Variants in ILRUN observed in about 807,000 individuals in gnomAD.
The protein encoded by ILRUN is inflammation and lipid regulator with UBA-like and NBR1-like domains, also known as protein ILRUN.
A neutral mutation model predicts 33.8 loss-of-function variants in ILRUN; 3 were observed. The observed-to-expected ratio is 0.09, with a 90% CI of 0.04 to 0.23. The LOEUF (loss-of-function observed/expected upper bound fraction) is 0.23. Ranked by LOEUF, ILRUN falls within the 10% of genes least tolerant of loss-of-function variation. The probability of loss-of-function intolerance (pLI) is 1.00; values close to 1 mark genes in which losing one functional copy is unlikely to be tolerated. For synonymous variants in ILRUN, 124 were observed against 138.9 expected (o/e 0.89, Z 0.75); for missense variants, 210 against 375.1 (o/e 0.56, Z 3.64).
intron 3 of ILRUN, among the ~76,000 whole-genome samples, chr6:34,610,323 C>T (rs1297984376): frequency 6.6e-6 from 1 of 152,158 alleles, no homozygotes; most frequent in East Asian, 1.9e-4. Flanking sequence ...GTCAGAGGAC[C>T]TGTGTTCAAA....
intron 4 of ILRUN, among the ~76,000 whole-genome samples, chr6:34,595,036 G>C (rs1422949911): frequency 6.6e-6 from 1 of 152,168 alleles, no homozygotes; most frequent in South Asian, 2.1e-4. Context: ...AATATTGTTA[G>C]AGAACATTTA....
At chr6:34,640,200 G>A (rs1161564309) in intron 3 of ILRUN, among the ~76,000 whole-genome samples, 1 of 152,136 alleles carries the variant, frequency 6.6e-6, no homozygotes, top group Non-Finnish European at 1.5e-5. Flanking sequence ...CGGATCTTTA[G>A]TGGGAGGAGG....
intron 3 of ILRUN, among the ~76,000 whole-genome samples, chr6:34,614,432 A>AATT (rs200350798): frequency 3.6e-5 from 4 of 110,038 alleles, no homozygotes; most frequent in Admixed American, 2.6e-4. Context: ...AAAAAATAAT[A>AATT]AAAAAAAAAA....
At position 34,606,853 on chromosome 6, in the gene ILRUN, G is replaced by A. The variant is rs1394482440; in HGVS notation, c.563C>T (p.Thr188Met). The part of the protein sequence containing the change: ...SVEVGGLLGV[T>M]QQLSSFETEF... The stretch of plus-strand genomic sequence containing the variant: ...CGTTTCAAAAGATGACAGCTGCTGC[G>A]TTACTCCTAAAAGTCCACCCACCTC... Residue 188 changes from threonine (T) to methionine (M), a missense_variant, in exon 4 of 5, where the codon ACG becomes ATG. Thr to Met is a moderately conservative substitution (Grantham distance 81, BLOSUM62 -1). This residue lies in a region of ILRUN where 60 missense variants were observed against 138.1 expected (regional missense o/e 0.43). Transcript: ENST00000374023. The A allele has an allele frequency of 5.0e-6, 8 of 1,613,816 alleles. No homozygotes were observed. The highest frequency in any genetic ancestry group is 1.6e-4 in the Middle Eastern group (1 of 6,084).
At chr6:34,636,287 CCAGTAGGCT>C (rs1379556502) in intron 3 of ILRUN, among the ~76,000 whole-genome samples, 1 of 151,866 alleles carries the variant, frequency 6.6e-6, no homozygotes, top group Non-Finnish European at 1.5e-5. Flanking sequence ...AATCCAGAGG[CCAGTAGGCT>C]CACAACATTC....
In ILRUN at chr6:34,628,628, G is replaced by A. The variant is rs73411933; in HGVS notation, c.511+17973C>T. On this transcript the variant is annotated intron_variant, in intron 3 of 4. Transcript: ENST00000374023. ...ATTACAGGTGTGAGCCACCACGCCC[G>A]GCCCACCTTTTTACACATTTTTGAA... Among the ~76,000 whole-genome samples the A allele has an allele frequency of 6.8e-3, 1,031 of 151,690 alleles. 12 individuals carry two copies. The highest frequency in any genetic ancestry group is 0.021 in the African/African-American group (853 of 41,434).
chr6:34,633,352 C>G (rs966953403), intron 3 of ILRUN, among the ~76,000 whole-genome samples: 14 of 152,236 alleles, frequency 9.2e-5, no homozygotes, highest in African/African-American at 3.1e-4. Flanking sequence ...TTCAACACTC[C>G]CTTCTCAGTA....
At chr6:34,659,108 TTATACTC>T (rs1298935629) in intron 1 of ILRUN, among the ~76,000 whole-genome samples, 2 of 152,228 alleles carry the variant, frequency 1.3e-5, no homozygotes, top group Non-Finnish European at 2.9e-5. Context: ...CCTTCAGTGT[TTATACTC>T]TATAGCTAAC....
chr6:34,601,706 CCCCCCCAACTACTGTTTCT>C (rs1424087889), intron 4 of ILRUN, among the ~76,000 whole-genome samples: 2 of 143,694 alleles, frequency 1.4e-5, no homozygotes, highest in Non-Finnish European at 3.0e-5. Context: ...CCAGTACCCG[CCCCCCCAACTACTGTTTCT>C]AAACCCTCAC....
intron 1 of ILRUN, among the ~76,000 whole-genome samples, chr6:34,682,494 G>A (rs760511343): frequency 2.6e-5 from 4 of 151,230 alleles, no homozygotes; most frequent in Non-Finnish European, 4.4e-5. Context: ...TCCTGACCTC[G>A]TGATCTGCCC....
rs918030906 is a variant in ILRUN, at chr6:34,690,035, C to G, written c.158+6411G>C. Among the ~76,000 whole-genome samples, 11 of 152,094 alleles carry G rather than the reference C, an allele frequency of 7.2e-5. 1 individual carries two copies. Among genetic ancestry groups the G allele is most frequent in the Non-Finnish European group, 2.9e-5 (2 of 68,004 alleles). ...AAAAGATATTTTATCTACTGCTATA[C>G]TGAGAAATAAGGCCAATATTAACTC... On this transcript the variant is annotated intron_variant, in intron 1 of 4. Transcript: ENST00000374023.
intron 4 of ILRUN, among the ~76,000 whole-genome samples, chr6:34,598,265 C>A (rs2127311188): frequency 6.6e-6 from 1 of 152,310 alleles, no homozygotes; most frequent in South Asian, 2.1e-4. Flanking sequence ...CAAACCTTTG[C>A]AGGGGAACAT....
chr6:34,660,525 A>G (rs1762867289), intron 1 of ILRUN, among the ~76,000 whole-genome samples: 1 of 152,194 alleles, frequency 6.6e-6, no homozygotes. Flanking sequence ...GGCATGAACA[A>G]CAGCATCTTA....
At chr6:34,672,890 C>G (rs924775995) in intron 1 of ILRUN, among the ~76,000 whole-genome samples, 2 of 151,920 alleles carry the variant, frequency 1.3e-5, no homozygotes, top group African/African-American at 2.4e-5. Flanking sequence ...CAAAGCTGAA[C>G]AAAATATAAG....
intron 3 of ILRUN, among the ~76,000 whole-genome samples, chr6:34,619,669 A>C (rs1761969687): frequency 1.3e-5 from 2 of 152,098 alleles, no homozygotes; most frequent in South Asian, 2.1e-4. Context: ...TTACCTTTTA[A>C]GAGTGCTCTC....
At chr6:34,617,767 A>AGAAACTGGGTATAAT (rs1761928397) in intron 3 of ILRUN, among the ~76,000 whole-genome samples, 9 of 152,338 alleles carry the variant, frequency 5.9e-5, no homozygotes, top group Admixed American at 5.2e-4. Flanking sequence ...CTTGTTCCTT[A>AGAAACTGGGTATAAT]GTATTTAGCA....
intron 3 of ILRUN, among the ~76,000 whole-genome samples, chr6:34,635,612 C>CTTT (rs778064465): frequency 2.6e-4 from 27 of 104,562 alleles, no homozygotes; most frequent in African/African-American, 4.0e-4. Flanking sequence ...TCTTAGAAAG[C>CTTT]TTTTTTTTTT....
intron 1 of ILRUN, among the ~76,000 whole-genome samples, chr6:34,675,539 A>T (rs1763211707): frequency 6.6e-6 from 1 of 152,170 alleles, no homozygotes; most frequent in South Asian, 2.1e-4. Context: ...ACAGGGAAAG[A>T]ATTATTTCTC....
intron 3 of ILRUN, among the ~76,000 whole-genome samples, chr6:34,627,117 G>A (rs1202434616): frequency 5.3e-5 from 8 of 152,008 alleles, no homozygotes; most frequent in African/African-American, 1.9e-4. Context: ...TACTGTCTCC[G>A]TAGTTTTATC....
Sources: allele counts gnomAD v4.1 joint callset (sites outside exome capture counted in the v4.1 genomes callset), GRCh38; gene constraint gnomAD v4.1.1; regional missense constraint gnomAD v4.1.1; transcripts MANE v1.5; gene names NCBI Gene and HGNC (gene_info 2026-07-23, HGNC 2026-07-21).